Variants in MAPK4 observed in about 807,000 individuals in gnomAD.
The protein encoded by MAPK4 is mitogen-activated protein kinase 4.
In MAPK4, 22 loss-of-function variants were observed where a neutral mutation model predicts 47.7. The ratio of observed to expected loss-of-function variants is 0.46; its 90% CI spans 0.33 to 0.66. MAPK4 has a LOEUF of 0.66. MAPK4 is among the 30% of genes least tolerant of loss of function. The probability of loss-of-function intolerance (pLI) is 0.02; values close to 1 mark genes in which losing one functional copy is unlikely to be tolerated. For missense variants in MAPK4, 736 were observed against 831.7 expected (o/e 0.88, Z 1.42); for synonymous variants, 390 against 365.7 (o/e 1.07, Z -0.76).
Position 50,729,395 on chromosome 18 carries a change from G to C in MAPK4, c.1305G>C (p.Pro435=). The C allele has an allele frequency of 6.4e-7, 1 of 1,563,126 alleles. No homozygotes were observed. Among genetic ancestry groups the C allele is most frequent in the Non-Finnish European group, 8.6e-7 (1 of 1,157,160 alleles). The change falls in exon 6 of 6, where the codon CCG becomes CCC. Residue 435 remains proline, a synonymous_variant. Transcript: ENST00000400384. ...GRSCDYKVGS[P]SYLDKLLWRD... ...CCTGCGACTACAAGGTGGGGTCGCC[G>C]TCCTACCTGGACAAGCTGCTGTGGC...
Position 50,729,617 on chromosome 18 carries a change from G to A in MAPK4, c.1527G>A (p.Pro509=), listed in dbSNP as rs1400784788. The stretch of plus-strand genomic sequence containing the variant: ...AGGGCGGCCCAGAGCACGCCAGCCC[G>A]CCCGCCGACGACCCCGAGCGCCGCT... ...STQGGPEHAS[P]PADDPERRLS... is the part of the protein sequence containing the mutation. Residue 509 remains proline, a synonymous_variant, in exon 6 of 6, where the codon CCG becomes CCA. Transcript: ENST00000400384. 8 of 1,377,568 alleles carry A rather than the reference G, an allele frequency of 5.8e-6. No individual in the cohort carries two copies. In the East Asian group the frequency reaches 1.8e-4, roughly 31 times the overall value. 85.3% of individuals were successfully genotyped at this position (1,377,568 alleles called of 1,614,324 possible). A position where few individuals can be genotyped will look rare whatever the true frequency, so the allele number is the denominator to read the frequency against.
At chr18:50,665,610 G>T (rs2084468757) in intron 2 of MAPK4, among the ~76,000 whole-genome samples, 1 of 152,144 alleles carries the variant, frequency 6.6e-6, no homozygotes, top group Admixed American at 6.5e-5. Context: ...ACATAGAAGG[G>T]CACTGATCTG....
At chr18:50,602,416 C>T (rs987478188) in intron 1 of MAPK4, among the ~76,000 whole-genome samples, 1 of 152,190 alleles carries the variant, frequency 6.6e-6, no homozygotes, top group Admixed American at 6.5e-5. Context: ...CTTGGAACAT[C>T]CTCCCTGGCT....
At chr18:50,577,786 G>C (rs983556756) in intron 1 of MAPK4, among the ~76,000 whole-genome samples, 1 of 152,132 alleles carries the variant, frequency 6.6e-6, no homozygotes, top group South Asian at 2.1e-4. Flanking sequence ...TTCAGCTCAC[G>C]ACCACAGCCT....
chr18:50,638,312 A>C (rs544457612), intron 1 of MAPK4, among the ~76,000 whole-genome samples: 1 of 152,334 alleles, frequency 6.6e-6, no homozygotes, highest in South Asian at 2.1e-4. Context: ...ATTATGATAA[A>C]TCACAATCCT....
chr18:50,672,318 C>G (rs984718986), intron 2 of MAPK4, among the ~76,000 whole-genome samples: 1 of 152,180 alleles, frequency 6.6e-6, no homozygotes, highest in African/African-American at 2.4e-5. Context: ...AGGTCACTTT[C>G]TTCTGAAGCC....
chr18:50,634,351 G>T (rs1316619643), intron 1 of MAPK4, among the ~76,000 whole-genome samples: 2 of 143,962 alleles, frequency 1.4e-5, no homozygotes, highest in East Asian at 2.1e-4. Context: ...ATTGAGGAAC[G>T]CATGCTCTCA....
intron 3 of MAPK4, among the ~76,000 whole-genome samples, chr18:50,719,527 CAAAG>C (rs1910820593): frequency 6.6e-6 from 1 of 152,124 alleles, no homozygotes; most frequent in Non-Finnish European, 1.5e-5. Flanking sequence ...GACTCTGACT[CAAAG>C]ACTCTTCCCA....
At chr18:50,601,194 C>G (rs934626959) in intron 1 of MAPK4, among the ~76,000 whole-genome samples, 9 of 151,236 alleles carry the variant, frequency 6.0e-5, no homozygotes. Context: ...ATTAGCTGGG[C>G]ATGGTGGCGC....
chr18:50,691,883 T>C (rs1166380057), intron 2 of MAPK4, among the ~76,000 whole-genome samples: 1 of 151,912 alleles, frequency 6.6e-6, no homozygotes, highest in Non-Finnish European at 1.5e-5. Context: ...AATCTCCCAG[T>C]CTCCCATCTG....
Position 50,612,613 on chromosome 18 carries a change from T to A in MAPK4, c.-870-50476T>A, listed in dbSNP as rs76184990. Among the ~76,000 whole-genome samples the A allele has an allele frequency of 5.1e-3, 769 of 152,240 alleles. 4 individuals are homozygous for A. The highest frequency in any genetic ancestry group is 9.0e-3 in the Non-Finnish European group (614 of 68,022). ...AGAGCAGAATTGCATTCTTGGACATTTTTCTTGTTTTTTCTTGCCAGCAGG... is the reference window on the plus strand; with the variant it reads ...AGAGCAGAATTGCATTCTTGGACATATTTCTTGTTTTTTCTTGCCAGCAGG... On this transcript the variant is annotated intron_variant, in intron 1 of 5. Coordinates refer to ENST00000400384, the MANE Select transcript of MAPK4 (RefSeq NM_002747.4).
rs558486794 is a variant in MAPK4, at chr18:50,731,742, A to G, written c.*1888A>G. On this transcript the variant is annotated 3_prime_UTR_variant, in exon 6 of 6. Coordinates refer to ENST00000400384, the MANE Select transcript of MAPK4 (RefSeq NM_002747.4). ...TAACTGTTATTACAGAGGAATTGTT[A>G]TAACTACTAATGTTTTTAAAAAATT... 6.6e-6 allele frequency: 1 copy of G among 152,368 alleles called. No homozygotes were observed. The highest frequency in any genetic ancestry group is 2.4e-5 in the African/African-American group (1 of 41,582). 9.4% of individuals were successfully genotyped at this position (152,368 alleles called of 1,614,324 possible).
At chr18:50,570,228 A>G (rs1012288194) in intron 1 of MAPK4, among the ~76,000 whole-genome samples, 1 of 152,258 alleles carries the variant, frequency 6.6e-6, no homozygotes, top group Non-Finnish European at 1.5e-5. Context: ...GCTGGAAAGC[A>G]GAAGTTGGGA....
intron 2 of MAPK4, among the ~76,000 whole-genome samples, chr18:50,679,260 C>T (rs890146503): frequency 5.3e-5 from 8 of 152,178 alleles, no homozygotes; most frequent in Non-Finnish European, 1.2e-4. Flanking sequence ...CATGGGTGTG[C>T]TTCCGTGCAG....
At chr18:50,629,304 G>C (rs1182714403) in intron 1 of MAPK4, 1 of 152,242 alleles carries the variant, frequency 6.6e-6, no homozygotes, top group Non-Finnish European at 1.5e-5. Flanking sequence ...CGTTTACATG[G>C]TTTATAGCCA....
intron 1 of MAPK4, among the ~76,000 whole-genome samples, chr18:50,660,378 C>T (rs562817501): frequency 2.0e-5 from 3 of 152,256 alleles, no homozygotes; most frequent in East Asian, 1.9e-4. Flanking sequence ...TTGTGAGATG[C>T]GCCCTTTGAA....
At chr18:50,614,429 A>G (rs1473378980) in intron 1 of MAPK4, among the ~76,000 whole-genome samples, 1 of 152,154 alleles carries the variant, frequency 6.6e-6, no homozygotes, top group Non-Finnish European at 1.5e-5. Flanking sequence ...CACATGAATA[A>G]TACCAAATTT....
chr18:50,663,876 C>T lies in MAPK4; in HGVS notation c.-83C>T, dbSNP rs556292726. ...CCGTGGGACTTGACAGAATGAGGTG[C>T]GCGAGGGAGGCCGCTAGCCGAGACT... On this transcript the variant is annotated 5_prime_UTR_variant, in exon 2 of 6. Transcript: ENST00000400384. The T allele has an allele frequency of 3.2e-5, 39 of 1,236,914 alleles. No homozygotes were observed. Among genetic ancestry groups the T allele is most frequent in the South Asian group, 2.1e-4 (15 of 71,572 alleles). The allele number at this position is 1,236,914 out of a possible 1,614,324, so 76.6% of individuals were successfully genotyped here.
intron 1 of MAPK4, among the ~76,000 whole-genome samples, chr18:50,613,159 G>T (rs1291133038): frequency 6.6e-6 from 1 of 152,152 alleles, no homozygotes; most frequent in Non-Finnish European, 1.5e-5. Flanking sequence ...CAGATCCTGT[G>T]CATCTAACCA....
Sources: gnomAD v4.1 joint callset for allele counts (sites outside exome capture counted in the v4.1 genomes callset) on GRCh38, gnomAD v4.1.1 for gene constraint, MANE v1.5 for transcripts, NCBI Gene and HGNC (gene_info 2026-07-23, HGNC 2026-07-21) for gene names.